Variants in XKR4 observed in about 807,000 individuals in gnomAD.
XKR4 encodes the protein XK related 4.
Under a neutral mutation model 53.9 loss-of-function variants are expected in XKR4, and 12 were observed. That is an observed-to-expected ratio of 0.22 (90% CI 0.14 to 0.36). The LOEUF (loss-of-function observed/expected upper bound fraction) is 0.36, where lower values mean the gene tolerates loss of function less well. Among genes scored for constraint, XKR4 ranks in the 10% least tolerant of loss-of-function variants. The probability of loss-of-function intolerance (pLI) is 1.00; values close to 1 mark genes in which losing one functional copy is unlikely to be tolerated. For synonymous variants in XKR4, 354 were observed against 362.4 expected (o/e 0.98, Z 0.26); for missense variants, 799 against 859.5 (o/e 0.93, Z 0.88).
intron 1 of XKR4, among the ~76,000 whole-genome samples, chr8:55,234,787 C>G (rs1472493608): frequency 6.6e-6 from 1 of 152,158 alleles, no homozygotes; most frequent in African/African-American, 2.4e-5. Flanking sequence ...TAAAGACACA[C>G]AGTGAAAACC....
intron 1 of XKR4, among the ~76,000 whole-genome samples, chr8:55,139,894 C>A (rs1042786280): frequency 3.3e-5 from 5 of 151,992 alleles, no homozygotes; most frequent in African/African-American, 1.2e-4. Context: ...ATGATAAAAC[C>A]TTTTTACTTA....
intron 2 of XKR4, among the ~76,000 whole-genome samples, chr8:55,431,786 G>A (rs1408587631): frequency 6.6e-6 from 1 of 152,082 alleles, no homozygotes; most frequent in Non-Finnish European, 1.5e-5. Flanking sequence ...CTGTCTTCTT[G>A]AAGAAGCTAA....
intron 2 of XKR4, among the ~76,000 whole-genome samples, chr8:55,513,561 G>A (rs971389452): frequency 5.9e-5 from 9 of 152,182 alleles, no homozygotes; most frequent in Non-Finnish European, 8.8e-5. Flanking sequence ...GAAGTGTATC[G>A]AGATGTGGCA....
intron 1 of XKR4, among the ~76,000 whole-genome samples, chr8:55,159,344 C>T (rs1226584944): frequency 6.6e-6 from 1 of 152,200 alleles, no homozygotes; most frequent in African/African-American, 2.4e-5. Flanking sequence ...GCAAACATCC[C>T]TGCCCTCACA....
At chr8:55,379,859 G>A (rs897928088) in intron 2 of XKR4, among the ~76,000 whole-genome samples, 2 of 152,208 alleles carry the variant, frequency 1.3e-5, no homozygotes, top group Admixed American at 1.3e-4. Flanking sequence ...GGTGCACCAA[G>A]CTCTGAAAAC....
intron 2 of XKR4, among the ~76,000 whole-genome samples, chr8:55,421,825 G>A (rs138433537): frequency 6.6e-4 from 100 of 152,254 alleles, no homozygotes; most frequent in African/African-American, 2.3e-3. Context: ...CTGAGTCTTT[G>A]GAAGAAAGAA....
intron 2 of XKR4, among the ~76,000 whole-genome samples, chr8:55,490,088 T>C (rs2939669): frequency 0.99 from 151,008 of 152,160 alleles, 74,936 homozygotes; most frequent in Middle Eastern, 1. Flanking sequence ...TGACACTCTT[T>C]ATTACTTTGC....
intron 2 of XKR4, among the ~76,000 whole-genome samples, chr8:55,495,431 T>G (rs550460961): frequency 2.0e-5 from 3 of 152,186 alleles, no homozygotes; most frequent in Non-Finnish European, 2.9e-5. Flanking sequence ...CCATGGAGCA[T>G]GAACCCCCAG....
chr8:55,217,757 GATAGATAGAT>G (rs1817826244), intron 1 of XKR4, among the ~76,000 whole-genome samples: 2 of 148,926 alleles, frequency 1.3e-5, no homozygotes, highest in Non-Finnish European at 3.0e-5. Context: ...TAGATAGATA[GATAGATAGAT>G]AGATAGATAG....
chr8:55,349,434 T>C (rs1273214313), intron 1 of XKR4, among the ~76,000 whole-genome samples: 1 of 152,168 alleles, frequency 6.6e-6, no homozygotes, highest in African/African-American at 2.4e-5. Context: ...CCAGCTTCCA[T>C]CTCTCAGCCA....
intron 1 of XKR4, among the ~76,000 whole-genome samples, chr8:55,270,084 T>C (rs915919530): frequency 2.6e-5 from 4 of 152,136 alleles, no homozygotes; most frequent in African/African-American, 7.2e-5. Context: ...GCCATTTAGG[T>C]GTATTCCACA....
intron 1 of XKR4, among the ~76,000 whole-genome samples, chr8:55,242,696 C>T (rs925987921): frequency 1.3e-5 from 2 of 152,050 alleles, no homozygotes; most frequent in African/African-American, 2.4e-5. Context: ...CACCCCACAG[C>T]GGGATGTTGA....
chr8:55,391,814 G>A (rs1804446717), intron 2 of XKR4, among the ~76,000 whole-genome samples: 1 of 152,074 alleles, frequency 6.6e-6, no homozygotes, highest in Admixed American at 6.6e-5. Flanking sequence ...GAAATGACTT[G>A]TTTCAAATGT....
chr8:55,347,768 T>A (rs1158485613), intron 1 of XKR4, among the ~76,000 whole-genome samples: 1 of 152,218 alleles, frequency 6.6e-6, no homozygotes, highest in Non-Finnish European at 1.5e-5. Flanking sequence ...GCATATTTCA[T>A]CCTTGATGGC....
chr8:55,320,905 C>T (rs1803200085), intron 1 of XKR4, among the ~76,000 whole-genome samples: 1 of 152,080 alleles, frequency 6.6e-6, no homozygotes, highest in African/African-American at 2.4e-5. Context: ...TAGCCACAAA[C>T]TCCTTGAATG....
chr8:55,224,118 C>A (rs1040879370), intron 1 of XKR4, among the ~76,000 whole-genome samples: 4 of 152,156 alleles, frequency 2.6e-5, no homozygotes, highest in African/African-American at 7.2e-5. Flanking sequence ...TTTCCCTCCT[C>A]TCTCCCTTTT....
At chr8:55,164,378 C>A (rs966670309) in intron 1 of XKR4, 3 of 456,196 alleles carry the variant, frequency 6.6e-6, no homozygotes, top group South Asian at 3.1e-5. Context: ...AGAGGTTCAG[C>A]CTTTAACAAA....
At chr8:55,245,961 G>T (rs1256429937) in intron 1 of XKR4, among the ~76,000 whole-genome samples, 1 of 152,164 alleles carries the variant, frequency 6.6e-6, no homozygotes, top group Non-Finnish European at 1.5e-5. Flanking sequence ...AATTAGCTGG[G>T]CGTGGTGGCG....
intron 1 of XKR4, among the ~76,000 whole-genome samples, chr8:55,178,879 T>C (rs543784452): frequency 6.8e-4 from 104 of 152,296 alleles, no homozygotes; most frequent in South Asian, 1.9e-3. Context: ...TACCTTGGTG[T>C]TCCCCAAAGA....
Sources: allele counts gnomAD v4.1 joint callset (sites outside exome capture counted in the v4.1 genomes callset), GRCh38; gene constraint gnomAD v4.1.1; transcripts MANE v1.5; gene names NCBI Gene and HGNC (gene_info 2026-07-23, HGNC 2026-07-21).